ASB1: variants seen among roughly 807,000 people sequenced by gnomAD.
The protein encoded by ASB1 is ankyrin repeat and SOCS box containing 1, also known as ankyrin repeat and SOCS box protein 1.
A neutral mutation model predicts 27.7 loss-of-function variants in ASB1; 18 were observed. The ratio of observed to expected loss-of-function variants is 0.65; its 90% confidence interval spans 0.45 to 0.96. ASB1 has a LOEUF of 0.96. Among genes scored for constraint, ASB1 ranks in the 50% least tolerant of loss-of-function variants. The pLI is 0.00. For synonymous variants in ASB1, 189 were observed against 187.6 expected (o/e 1.01, Z -0.06); for missense variants, 397 against 451.7 (o/e 0.88, Z 1.10).
rs1702275166 is a variant in ASB1, at chr2:238,451,094, T to TCCAAACCC, written c.*4583_*4584insCCAAACCC. On this transcript the variant is annotated 3_prime_UTR_variant, in exon 5 of 5. Coordinates refer to ENST00000264607, the MANE Select transcript of ASB1 (RefSeq NM_001040445.3). ...CAAACCCGAACCTCTCAGTGTGGAA[T>TCCAAACCC]GAAACAGTTTAGATGTGTACATGAT... is the stretch of plus-strand genomic sequence containing the variant. 1 of 142,044 alleles carries TCCAAACCC rather than the reference T, an allele frequency of 7.0e-6. No individual in the cohort carries two copies. The highest frequency in any genetic ancestry group is 1.6e-5 in the Non-Finnish European group (1 of 63,366). The allele number at this position is 142,044 out of a possible 1,614,324, so 8.8% of individuals were successfully genotyped here. A position where few individuals can be genotyped will look rare whatever the true frequency, so the allele number is the denominator to read the frequency against.
intron 3 of ASB1, among the ~76,000 whole-genome samples, chr2:238,440,720 C>T (rs770421004): frequency 2.6e-5 from 4 of 151,562 alleles, no homozygotes; most frequent in South Asian, 4.2e-4. Flanking sequence ...GATAGAGAGC[C>T]GTATATTTGG....
chr2:238,430,386 C>T (rs1701845917), intron 1 of ASB1, among the ~76,000 whole-genome samples: 1 of 152,244 alleles, frequency 6.6e-6, no homozygotes, highest in Admixed American at 6.5e-5. Flanking sequence ...TTTGCTCATC[C>T]ATTCAAGTTT....
intron 3 of ASB1, among the ~76,000 whole-genome samples, chr2:238,440,516 C>T (rs112357257): frequency 2.0e-5 from 3 of 152,294 alleles, no homozygotes; most frequent in African/African-American, 7.2e-5. Context: ...TGTGTGGCAC[C>T]AGCCAGCCCC....
intron 1 of ASB1, among the ~76,000 whole-genome samples, chr2:238,428,280 G>A (rs1701800254): frequency 6.6e-6 from 1 of 152,220 alleles, no homozygotes; most frequent in South Asian, 2.1e-4. Flanking sequence ...CACTGGCTTT[G>A]TCGGCTGCAC....
intron 1 of ASB1, among the ~76,000 whole-genome samples, chr2:238,432,774 TCTCA>T (rs1487981338): frequency 4.0e-5 from 6 of 151,750 alleles, no homozygotes; most frequent in African/African-American, 1.5e-4. Context: ...TGAGACCGAG[TCTCA>T]CTCAGTCGCC....
At chr2:238,446,316 CT>C in intron 4 of ASB1, 67 bp from the exon 5 acceptor site, 1 of 1,513,680 alleles carries the variant, frequency 6.6e-7, no homozygotes, top group Non-Finnish European at 8.8e-7. Context: ...TCCCAGCTGC[CT>C]TTTCTCTCTA....
chr2:238,436,775 T>TC lies in ASB1; in HGVS notation c.494+762_494+763insC, dbSNP rs59444178. Among the ~76,000 whole-genome samples, 280 of 92,876 alleles carry TC rather than the reference T, an allele frequency of 3.0e-3. 1 individual carries two copies. The highest frequency in any genetic ancestry group is 0.021 in the African/African-American group (196 of 9,430). The allele number at this position is 92,876 out of a possible 152,430, so 60.9% of individuals were successfully genotyped here. On this transcript the variant is annotated intron_variant, in intron 3 of 4. Transcript: ENST00000264607. ...TTGTTAGGTTAGCACTCTCTCTCTCTTTTTTTTTTTTACATTTTTGTCATT... is the reference window on the plus strand; with the variant it reads ...TTGTTAGGTTAGCACTCTCTCTCTCTCTTTTTTTTTTTACATTTTTGTCATT...
chr2:238,432,300 A>G (rs491250), intron 1 of ASB1, among the ~76,000 whole-genome samples: 108,174 of 152,140 alleles, frequency 0.71, 38,703 homozygotes, highest in Admixed American at 0.76. Flanking sequence ...GAAATGGGTC[A>G]CGCTTTATTT....
rs1437122505 is a variant in ASB1, at chr2:238,443,911, CTT to C, written c.495-429_495-428del. The stretch of plus-strand genomic sequence containing the variant: ...CTTTCTTAATATACTTAAGGATTCT[CTT>C]TGGCTAAAATTTTATTGAAGATTTA... On this transcript the variant is annotated intron_variant, in intron 3 of 4. Transcript: ENST00000264607. 2.6e-5 allele frequency among the ~76,000 whole-genome samples: 4 copies of C among 152,168 alleles called. No homozygotes were observed. The South Asian group carries it at 8.3e-4, about 32-fold the overall frequency.
At chr2:238,445,799 C>T (rs1575009208) in intron 4 of ASB1, among the ~76,000 whole-genome samples, 1 of 152,254 alleles carries the variant, frequency 6.6e-6, no homozygotes, top group East Asian at 1.9e-4. Flanking sequence ...TGTAGCCTTC[C>T]CACAAATAGT....
intron 1 of ASB1, chr2:238,427,620 T>A (rs998531551): frequency 6.5e-6 from 1 of 153,358 alleles, no homozygotes; most frequent in African/African-American, 2.4e-5. Flanking sequence ...TCCAGCGAGC[T>A]CGTCAGTGAC....
At chr2:238,439,779 A>G (rs1232036269) in intron 3 of ASB1, among the ~76,000 whole-genome samples, 2 of 152,106 alleles carry the variant, frequency 1.3e-5, no homozygotes, top group South Asian at 2.1e-4. Context: ...CAGTGTGTCC[A>G]TTACTGCCGA....
At position 238,449,835 on chromosome 2, in the gene ASB1, A is replaced by G. The variant is rs146798748; in HGVS notation, c.*3324A>G. 13 of 152,346 alleles carry G rather than the reference A, an allele frequency of 8.5e-5. No homozygotes were observed. The East Asian group carries it at 1.9e-3, about 23-fold the overall frequency. The allele number at this position is 152,346 out of a possible 1,614,324, so 9.4% of individuals were successfully genotyped here. A position where few individuals can be genotyped will look rare whatever the true frequency, so the allele number is the denominator to read the frequency against. On this transcript the variant is annotated 3_prime_UTR_variant, in exon 5 of 5. Transcript: ENST00000264607. ...TTCTTTTTCCTTTTTCAATGAATTG[A>G]TTCTTCAAATTAAAAGTTCTTGAGA...
Position 238,433,556 on chromosome 2 carries a change from C to T in ASB1, c.52C>T (p.Arg18Cys), listed in dbSNP as rs754427741. 3.7e-6 allele frequency: 6 copies of T among 1,613,992 alleles called. No individual in the cohort carries two copies. Among genetic ancestry groups the T allele is most frequent in the East Asian group, 2.2e-5 (1 of 44,886 alleles). ...AGGAGCCCCTCTCTTCAGTGCAGGT[C>T]GTAATCTGAAGGAGTGGCTGAGGGA... ...DGRAGPGSAG[R>C]NLKEWLREQF... The change falls in exon 2 of 5, where the codon CGT becomes TGT. Residue 18 changes from arginine (R) to cysteine (C), a missense_variant and splice_region_variant. Transcript: ENST00000264607.
At position 238,450,492 on chromosome 2, in the gene ASB1, C is replaced by T. The variant is rs1481358179; in HGVS notation, c.*3981C>T. 1.3e-5 allele frequency: 2 copies of T among 152,264 alleles called. No individual in the cohort carries two copies. Among genetic ancestry groups the T allele is most frequent in the African/African-American group, 2.4e-5 (1 of 41,468 alleles). 9.4% of individuals were successfully genotyped at this position (152,264 alleles called of 1,614,324 possible). On this transcript the variant is annotated 3_prime_UTR_variant, in exon 5 of 5. Coordinates refer to ENST00000264607, the MANE Select transcript of ASB1 (RefSeq NM_001040445.3). The stretch of plus-strand genomic sequence containing the variant: ...CCCCAGAATTTCTTCTTAAGTTCGC[C>T]TGTCTCTGAAATCCCAAAGTCACGG...
chr2:238,431,059 C>T (rs1055032934), intron 1 of ASB1, among the ~76,000 whole-genome samples: 3 of 152,238 alleles, frequency 2.0e-5, no homozygotes, highest in South Asian at 2.1e-4. Flanking sequence ...AAAGCTTTGA[C>T]GCTAGGCATT....
At position 238,444,869 on chromosome 2, in the gene ASB1, G is replaced by A. The variant is rs912553856; in HGVS notation, c.880+142G>A. ...AGAACTCGCAGTTTTCCAGATGGTT[G>A]TTCAGATTGATCTTCTCTTTTTAAA... On this transcript the variant is annotated intron_variant, in intron 4 of 4. Coordinates refer to ENST00000264607, the MANE Select transcript of ASB1 (RefSeq NM_001040445.3). The A allele has an allele frequency of 1.0e-5, 9 of 883,358 alleles. No individual in the cohort carries two copies. In the African/African-American group the frequency reaches 1.5e-4, roughly 15 times the overall value. The allele number at this position is 883,358 out of a possible 1,614,324, so 54.7% of individuals were successfully genotyped here.
chr2:238,427,094 C>A lies in ASB1; in HGVS notation c.24C>A (p.Asp8Glu). The change falls in exon 1 of 5, where the codon GAC becomes GAA. Residue 8 changes from aspartate to glutamate, a missense_variant. By Grantham distance (45) the Asp-to-Glu change is conservative (BLOSUM62 2). Transcript: ENST00000264607. Reference sequence around the variant, plus strand: ...CCATGGCGGAGGGCGGCAGCCCAGACGGGCGGGCAGGGCCGGGCTCCGCAG... The same window carrying A: ...CCATGGCGGAGGGCGGCAGCCCAGAAGGGCGGGCAGGGCCGGGCTCCGCAG... Reference protein sequence around the residue: MAEGGSPDGRAGPGSAGR... With the variant: MAEGGSPEGRAGPGSAGR... The A allele has an allele frequency of 4.8e-6, 6 of 1,262,364 alleles. No homozygotes were observed. Among genetic ancestry groups the A allele is most frequent in the Non-Finnish European group, 6.0e-6 (6 of 1,004,848 alleles). 78.2% of individuals were successfully genotyped at this position (1,262,364 alleles called of 1,614,324 possible).
chr2:238,438,566 CT>C (rs556355508), intron 3 of ASB1, among the ~76,000 whole-genome samples: 60 of 152,332 alleles, frequency 3.9e-4, no homozygotes, highest in South Asian at 3.1e-3. Flanking sequence ...CGGGACATTA[CT>C]TTCACAAGGT....
Sources: gnomAD v4.1 joint callset for allele counts (sites outside exome capture counted in the v4.1 genomes callset) on GRCh38, gnomAD v4.1.1 for gene constraint, MANE v1.5 for transcripts, NCBI Gene and HGNC (gene_info 2026-07-23, HGNC 2026-07-21) for gene names.